Variants in NSMCE2 observed in about 807,000 individuals in gnomAD.
NSMCE2 encodes the protein NSE2 SUMO ligase component of SMC5/6 complex.
Under a neutral mutation model 23.8 loss-of-function variants are expected in NSMCE2, and 24 were observed. The ratio of observed to expected loss-of-function variants is 1.01; its 90% CI spans 0.73 to 1.42. The LOEUF (loss-of-function observed/expected upper bound fraction) is 1.42, where lower values mean the gene tolerates loss of function less well. NSMCE2 is among the 40% of genes most tolerant of loss of function. The probability of loss-of-function intolerance (pLI) is 0.00; values close to 1 mark genes in which losing one functional copy is unlikely to be tolerated. For synonymous variants in NSMCE2, 92 were observed against 94.1 expected, an observed-to-expected ratio of 0.98 and a Z score of 0.13; for missense variants, 284 against 296.5, an observed-to-expected ratio of 0.96 and a Z score of 0.31.
chr8:125,347,085 T>TACA, intron 5 of NSMCE2, among the ~76,000 whole-genome samples: 1 of 152,298 alleles, frequency 6.6e-6, no homozygotes, highest in East Asian at 1.9e-4. Flanking sequence ...GCTTGCTATT[T>TACA]GCCAGGAACC....
intron 5 of NSMCE2, among the ~76,000 whole-genome samples, chr8:125,281,354 A>T (rs1247462106): frequency 6.6e-6 from 1 of 152,260 alleles, no homozygotes; most frequent in East Asian, 1.9e-4. Context: ...CAACTGAGGC[A>T]AAGATAAAAG....
At chr8:125,252,503 G>A (rs1216384497) in intron 5 of NSMCE2, among the ~76,000 whole-genome samples, 1 of 152,154 alleles carries the variant, frequency 6.6e-6, no homozygotes, top group African/African-American at 2.4e-5. Flanking sequence ...TCCAGCCTGG[G>A]CGACAGAGCG....
chr8:125,218,270 T>C (rs568183162), intron 5 of NSMCE2, among the ~76,000 whole-genome samples: 1 of 152,268 alleles, frequency 6.6e-6, no homozygotes, highest in Admixed American at 6.5e-5. Context: ...CTACAGATAA[T>C]GCTGAGGATT....
chr8:125,234,081 T>C lies in NSMCE2; in HGVS notation c.418+51825T>C, dbSNP rs1368753840. On this transcript the variant is annotated intron_variant, in intron 5 of 7. Coordinates refer to ENST00000287437, the MANE Select transcript of NSMCE2 (RefSeq NM_173685.4). ...GGTGTCAGGCGCCTGTAGTCCCAGC[T>C]ACTCGAGAGGCTGAAGCAGGAGAAT... is the stretch of plus-strand genomic sequence containing the variant. Among the ~76,000 whole-genome samples, 44 of 150,022 alleles carry C rather than the reference T, an allele frequency of 2.9e-4. 1 individual carries two copies. Among genetic ancestry groups the C allele is most frequent in the Non-Finnish European group, 2.4e-4 (16 of 67,660 alleles).
chr8:125,238,570 A>G (rs1399330752), intron 5 of NSMCE2, among the ~76,000 whole-genome samples: 1 of 151,876 alleles, frequency 6.6e-6, no homozygotes, highest in Non-Finnish European at 1.5e-5. Context: ...ATTAAACAGC[A>G]TTTTTTTTCC....
intron 5 of NSMCE2, among the ~76,000 whole-genome samples, chr8:125,345,219 C>T (rs897255696): frequency 1.3e-5 from 2 of 150,796 alleles, no homozygotes. Flanking sequence ...TTTCTTCCAC[C>T]AATGTGACCT....
At chr8:125,286,880 T>C (rs538757074) in intron 5 of NSMCE2, among the ~76,000 whole-genome samples, 72 of 152,120 alleles carry the variant, frequency 4.7e-4, no homozygotes, top group African/African-American at 1.6e-3. Context: ...ATCATATGTG[T>C]GTGGTGATTG....
chr8:125,353,062 G>A (rs1393147246), intron 5 of NSMCE2, among the ~76,000 whole-genome samples: 1 of 152,170 alleles, frequency 6.6e-6, no homozygotes, highest in East Asian at 1.9e-4. Flanking sequence ...GCCTTCCCTA[G>A]TGGTAGGCAT....
chr8:125,323,520 C>A (rs145324822), intron 5 of NSMCE2, among the ~76,000 whole-genome samples: 1 of 152,296 alleles, frequency 6.6e-6, no homozygotes, highest in Non-Finnish European at 1.5e-5. Context: ...TAATTTTCTA[C>A]TCACATGCAA....
At position 125,204,850 on chromosome 8, in the gene NSMCE2, A is replaced by G. The variant is rs75236492; in HGVS notation, c.418+22594A>G. Reference sequence around the variant, plus strand: ...CTTCTGATCTTGCTGTCAGCCTCCTATATGCTCCCAGCTCTAACTAGATCC... The same window carrying G: ...CTTCTGATCTTGCTGTCAGCCTCCTGTATGCTCCCAGCTCTAACTAGATCC... On this transcript the variant is annotated intron_variant, in intron 5 of 7. Transcript: ENST00000287437. 3.3e-3 allele frequency among the ~76,000 whole-genome samples: 500 copies of G among 152,134 alleles called. 16 individuals are homozygous for G. The East Asian group carries it at 0.077, about 23-fold the overall frequency.
rs113076857 is a variant in NSMCE2, at chr8:125,146,756, A to G, written c.158-4415A>G. Among the ~76,000 whole-genome samples the G allele has an allele frequency of 1.3e-3, 199 of 152,008 alleles. 1 individual carries two copies. The South Asian group carries it at 0.02, about 15-fold the overall frequency. ...CACTGGGGCCTGTTGTGAGGTGGGG[A>G]GAGTGGGGAAGGATAGCCTTAGGAG... On this transcript the variant is annotated intron_variant, in intron 3 of 7. Coordinates refer to ENST00000287437, the MANE Select transcript of NSMCE2 (RefSeq NM_173685.4).
chr8:125,101,221 G>T (rs1818173558), intron 1 of NSMCE2, among the ~76,000 whole-genome samples: 1 of 152,164 alleles, frequency 6.6e-6, no homozygotes, highest in Non-Finnish European at 1.5e-5. Context: ...ATGAATGAAT[G>T]AACCTAATTA....
At chr8:125,274,915 G>A (rs1407388126) in intron 5 of NSMCE2, among the ~76,000 whole-genome samples, 1 of 147,166 alleles carries the variant, frequency 6.8e-6, no homozygotes, top group East Asian at 2.0e-4. Context: ...GGGCTTCAGA[G>A]GGAGACTCAG....
At chr8:125,099,414 G>T (rs1378959283) in intron 1 of NSMCE2, among the ~76,000 whole-genome samples, 1 of 152,104 alleles carries the variant, frequency 6.6e-6, no homozygotes, top group African/African-American at 2.4e-5. Context: ...AACCAAGAAG[G>T]CATAGCCCTG....
intron 5 of NSMCE2, among the ~76,000 whole-genome samples, chr8:125,306,448 C>G (rs915800261): frequency 6.6e-6 from 1 of 152,146 alleles, no homozygotes; most frequent in Non-Finnish European, 1.5e-5. Flanking sequence ...CTATCTCTCT[C>G]TCTCTTCTCC....
intron 4 of NSMCE2, 63 bp from the exon 5 acceptor site, chr8:125,182,040 C>A: frequency 1.6e-6 from 2 of 1,240,950 alleles, no homozygotes; most frequent in Non-Finnish European, 2.3e-6. Flanking sequence ...AACAATGTTG[C>A]AAAACTTTGT....
intron 1 of NSMCE2, among the ~76,000 whole-genome samples, chr8:125,098,080 G>T (rs1180963237): frequency 6.6e-6 from 1 of 152,128 alleles, no homozygotes; most frequent in African/African-American, 2.4e-5. Context: ...GTAATTCTTG[G>T]ATCAGCAAAA....
At chr8:125,168,680 C>G (rs571122697) in intron 4 of NSMCE2, among the ~76,000 whole-genome samples, 7 of 152,252 alleles carry the variant, frequency 4.6e-5, no homozygotes, top group Non-Finnish European at 8.8e-5. Flanking sequence ...GTGCTCTAAT[C>G]TCTTCCCAGA....
chr8:125,250,599 C>G (rs1341486357), intron 5 of NSMCE2, among the ~76,000 whole-genome samples: 2 of 152,072 alleles, frequency 1.3e-5, no homozygotes, highest in African/African-American at 4.8e-5. Flanking sequence ...TCATCCAATT[C>G]TTATTTATTT....
Sources: allele counts gnomAD v4.1 joint callset (sites outside exome capture counted in the v4.1 genomes callset), GRCh38; gene constraint gnomAD v4.1.1; transcripts MANE v1.5; gene names NCBI Gene and HGNC (gene_info 2026-07-23, HGNC 2026-07-21).